TPST1: variants seen among roughly 807,000 people sequenced by gnomAD.
TPST1 encodes protein-tyrosine sulfotransferase 1.
A neutral mutation model predicts 34.8 loss-of-function variants in TPST1; 20 were observed. The ratio of observed to expected loss-of-function variants is 0.57; its 90% CI spans 0.40 to 0.84. TPST1 has a LOEUF of 0.84. TPST1 is among the 40% of genes least tolerant of loss of function. TPST1 has a pLI of 0.00. For synonymous variants in TPST1, 152 were observed against 159.4 expected (o/e 0.95, Z 0.35); for missense variants, 353 against 455.5 (o/e 0.78, Z 2.05).
intron 3 of TPST1, among the ~76,000 whole-genome samples, chr7:66,309,648 C>G (rs1220919167): frequency 6.6e-6 from 1 of 152,164 alleles, no homozygotes; most frequent in African/African-American, 2.4e-5. Flanking sequence ...ATATAAGGCA[C>G]AGGAACTGTT....
Position 66,328,493 on chromosome 7 carries a change from G to A in TPST1, c.1045-24012G>A, listed in dbSNP as rs549540815. Among the ~76,000 whole-genome samples the A allele has an allele frequency of 5.6e-4, 85 of 152,116 alleles. 1 individual carries two copies. The South Asian group carries it at 0.012, about 22-fold the overall frequency. On this transcript the variant is annotated intron_variant, in intron 3 of 5. Transcript: ENST00000304842. ...TTACCCTGGCCTTTGTTACAGAATA[G>A]GTTGCTAACCTCTGAGTTTCTCAGT... is the stretch of plus-strand genomic sequence containing the variant.
rs76524979 is a variant in TPST1, at chr7:66,360,216, G to A, written c.*351G>A. 3.3e-4 allele frequency: 99 copies of A among 303,836 alleles called. No individual in the cohort carries two copies. The highest frequency in any genetic ancestry group is 1.8e-3 in the African/African-American group (85 of 46,256). The allele number at this position is 303,836 out of a possible 1,614,324, so 18.8% of individuals were successfully genotyped here. A position where few individuals can be genotyped will look rare whatever the true frequency, so the allele number is the denominator to read the frequency against. On this transcript the variant is annotated 3_prime_UTR_variant, in exon 6 of 6. Transcript: ENST00000304842. ...GGAGAGGGTTTAAAAATGGGATCCT[G>A]TAAGCAGACTTGGGCAGTCTCCTTT... is the stretch of plus-strand genomic sequence containing the variant.
chr7:66,341,813 C>A (rs1792244660), intron 3 of TPST1, among the ~76,000 whole-genome samples: 1 of 152,120 alleles, frequency 6.6e-6, no homozygotes, highest in African/African-American at 2.4e-5. Flanking sequence ...CATAAATGAA[C>A]TGTAATTAAT....
chr7:66,262,993 G>A (rs1382975257), intron 2 of TPST1, among the ~76,000 whole-genome samples: 1 of 151,956 alleles, frequency 6.6e-6, no homozygotes, highest in East Asian at 1.9e-4. Context: ...CCAGCTACTG[G>A]GGAGGCTGAG....
chr7:66,256,193 T>C (rs1367019785), intron 2 of TPST1, among the ~76,000 whole-genome samples: 1 of 152,212 alleles, frequency 6.6e-6, no homozygotes, highest in Non-Finnish European at 1.5e-5. Flanking sequence ...TAATGTACAT[T>C]ATTGGTATAT....
chr7:66,305,635 T>C (rs1360637454), intron 3 of TPST1, among the ~76,000 whole-genome samples: 4 of 152,198 alleles, frequency 2.6e-5, no homozygotes, highest in Admixed American at 6.5e-5. Flanking sequence ...CAAGAAGTGC[T>C]GAGTTAACAG....
At chr7:66,308,364 C>T (rs771046389) in intron 3 of TPST1, among the ~76,000 whole-genome samples, 1 of 152,106 alleles carries the variant, frequency 6.6e-6, no homozygotes, top group African/African-American at 2.4e-5. Flanking sequence ...TTTTTGTTGG[C>T]GATACTAATC....
At chr7:66,354,978 TC>T (rs1258873614) in intron 4 of TPST1, among the ~76,000 whole-genome samples, 1 of 151,730 alleles carries the variant, frequency 6.6e-6, no homozygotes, top group Non-Finnish European at 1.5e-5. Context: ...GGGCAGTCAA[TC>T]CTGTCTCATA....
intron 3 of TPST1, among the ~76,000 whole-genome samples, chr7:66,343,657 CAA>C (rs1177946146): frequency 2.0e-5 from 3 of 152,154 alleles, no homozygotes; most frequent in Admixed American, 6.5e-5. Flanking sequence ...AAGCCTCAAA[CAA>C]GAGGACTTTT....
Position 66,286,583 on chromosome 7 carries a change from A to G in TPST1, c.918A>G (p.Ile306Met). 6.2e-7 allele frequency: 1 copy of G among 1,610,514 alleles called. No individual in the cohort carries two copies. Among genetic ancestry groups the G allele is most frequent in the African/African-American group, 1.3e-5 (1 of 74,906 alleles). ...VGALSKWVGK[I>M]PPDVLQDMAV... Reference sequence around the variant, plus strand: ...CTCTATCAAAATGGGTTGGGAAGATACCGCCAGATGTTTTACAAGACATGG... The same window carrying G: ...CTCTATCAAAATGGGTTGGGAAGATGCCGCCAGATGTTTTACAAGACATGG... The change falls in exon 3 of 6, where the codon ATA becomes ATG. Residue 306 changes from isoleucine to methionine, a missense_variant. Physicochemically the swap from Ile to Met is conservative, Grantham distance 10. Coordinates refer to ENST00000304842, the MANE Select transcript of TPST1 (RefSeq NM_003596.4).
At chr7:66,293,073 G>A (rs1470698093) in intron 3 of TPST1, among the ~76,000 whole-genome samples, 1 of 152,100 alleles carries the variant, frequency 6.6e-6, no homozygotes, top group Non-Finnish European at 1.5e-5. Context: ...AGGCGTGGTG[G>A]TGGGCGCCTG....
chr7:66,285,877 A>G (rs1791023881), intron 2 of TPST1, among the ~76,000 whole-genome samples: 1 of 152,224 alleles, frequency 6.6e-6, no homozygotes. Context: ...TAATATTGAA[A>G]ATCAAAAACA....
intron 1 of TPST1, among the ~76,000 whole-genome samples, chr7:66,233,869 T>A (rs1382871524): frequency 6.6e-6 from 1 of 152,150 alleles, no homozygotes; most frequent in African/African-American, 2.4e-5. Context: ...TCCTGCTTCT[T>A]TTTTTTTCTG....
chr7:66,354,522 C>CAAAAA (rs66521537), intron 4 of TPST1, among the ~76,000 whole-genome samples: 4 of 60,780 alleles, frequency 6.6e-5, no homozygotes, highest in South Asian at 6.4e-4. Flanking sequence ...GAGTCTGTCT[C>CAAAAA]AAAAAAAAAA....
In TPST1 at chr7:66,232,533, C is replaced by T. The variant is rs112661109; in HGVS notation, c.-101-7792C>T. Among the ~76,000 whole-genome samples the T allele has an allele frequency of 1.9e-3, 292 of 152,186 alleles. 2 individuals are homozygous for T. The highest frequency in any genetic ancestry group is 4.4e-3 in the African/African-American group (182 of 41,534). On this transcript the variant is annotated intron_variant, in intron 1 of 5. Coordinates refer to ENST00000304842, the MANE Select transcript of TPST1 (RefSeq NM_003596.4). ...GACTACAGGCGCCCACCACCATGCC[C>T]GGCTAATTTTTTTATGGGTTTCACC...
intron 3 of TPST1, among the ~76,000 whole-genome samples, chr7:66,297,056 CCAGAAGTCCAT>C (rs1312585875): frequency 6.6e-6 from 1 of 152,080 alleles, no homozygotes. Context: ...CATAGATATA[CCAGAAGTCCAT>C]CAGATTAAGG....
At chr7:66,222,137 A>G (rs546646217) in intron 1 of TPST1, among the ~76,000 whole-genome samples, 29 of 152,316 alleles carry the variant, frequency 1.9e-4, no homozygotes, top group Non-Finnish European at 2.9e-4. Flanking sequence ...TAATCCCAGC[A>G]CTTTGGGAGG....
intron 2 of TPST1, among the ~76,000 whole-genome samples, 170 bp from the exon 3 acceptor site, chr7:66,286,341 A>T (rs892717998): frequency 1.6e-4 from 24 of 152,136 alleles, no homozygotes; most frequent in Non-Finnish European, 2.9e-5. Flanking sequence ...TCAATCTTAA[A>T]TTATTTTTTA....
At chr7:66,231,326 TG>T (rs1290910160) in intron 1 of TPST1, among the ~76,000 whole-genome samples, 1 of 152,234 alleles carries the variant, frequency 6.6e-6, no homozygotes, top group Non-Finnish European at 1.5e-5. Context: ...GGGCTGCATG[TG>T]GAGCTGCCTG....
Sources: gnomAD v4.1 joint callset for allele counts (sites outside exome capture counted in the v4.1 genomes callset) on GRCh38, gnomAD v4.1.1 for gene constraint, MANE v1.5 for transcripts, NCBI Gene and HGNC (gene_info 2026-07-23, HGNC 2026-07-21) for gene names.